Variants in ST8SIA4 observed in about 807,000 individuals in gnomAD.
ST8SIA4 encodes ST8 alpha-N-acetyl-neuraminide alpha-2,8-sialyltransferase 4.
In ST8SIA4, 15 loss-of-function variants were observed where a neutral mutation model predicts 33.9. The observed-to-expected ratio is 0.44, with a 90% CI of 0.30 to 0.68. ST8SIA4 has a LOEUF of 0.68. Ranked by LOEUF, ST8SIA4 falls within the 30% of genes least tolerant of loss-of-function variation. The pLI is 0.10. For synonymous variants in ST8SIA4, 171 were observed against 151.2 expected, an observed-to-expected ratio of 1.13 and a Z score of -0.96; for missense variants, 321 against 428.0, an observed-to-expected ratio of 0.75 and a Z score of 2.21.
At chr5:100,864,940 T>A (rs2059845) in intron 3 of ST8SIA4, among the ~76,000 whole-genome samples, 35,337 of 152,156 alleles carry the variant, frequency 0.23, 5,156 homozygotes, top group Non-Finnish European at 0.32. Context: ...TCTGTTCTTA[T>A]CTTGTCCATA....
intron 4 of ST8SIA4, among the ~76,000 whole-genome samples, chr5:100,830,114 T>G (rs1057367262): frequency 6.6e-6 from 1 of 152,256 alleles, no homozygotes; most frequent in Non-Finnish European, 1.5e-5. Context: ...AATACTTATG[T>G]GGCTCGCTCT....
chr5:100,897,590 T>C (rs1416541781), intron 1 of ST8SIA4, among the ~76,000 whole-genome samples: 1 of 152,200 alleles, frequency 6.6e-6, no homozygotes, highest in African/African-American at 2.4e-5. Context: ...CTAGTATCAA[T>C]GGAAACATTG....
rs533311327 is a variant in ST8SIA4, at chr5:100,843,707, T to C, written c.797+12396A>G. Among the ~76,000 whole-genome samples the C allele has an allele frequency of 1.2e-3, 186 of 151,942 alleles. 4 individuals are homozygous for C. Among genetic ancestry groups the C allele is most frequent in the Admixed American group, 5.3e-4 (8 of 15,200 alleles). On this transcript the variant is annotated intron_variant, in intron 4 of 4. Transcript: ENST00000231461. ...CTATGATGCCTAACCATGATCCATC[T>C]GAATGAAGATGCAATGTATGCGTTA... is the stretch of plus-strand genomic sequence containing the variant.
At chr5:100,875,088 A>G (rs1752277221) in intron 3 of ST8SIA4, among the ~76,000 whole-genome samples, 1 of 152,210 alleles carries the variant, frequency 6.6e-6, no homozygotes, top group African/African-American at 2.4e-5. Flanking sequence ...AGTTAAATTC[A>G]GCTCAGATAT....
At chr5:100,861,806 A>G (rs963662748) in intron 3 of ST8SIA4, among the ~76,000 whole-genome samples, 8 of 152,204 alleles carry the variant, frequency 5.3e-5, no homozygotes, top group African/African-American at 1.9e-4. Flanking sequence ...AGTGACAAAT[A>G]AAAATATTTC....
At chr5:100,837,558 C>G (rs1395323485) in intron 4 of ST8SIA4, among the ~76,000 whole-genome samples, 2 of 151,992 alleles carry the variant, frequency 1.3e-5, no homozygotes, top group African/African-American at 2.4e-5. Context: ...TTCTGATGTG[C>G]TAGAGCTGGC....
intron 3 of ST8SIA4, among the ~76,000 whole-genome samples, chr5:100,859,619 CT>C (rs971446117): frequency 6.6e-6 from 1 of 152,096 alleles, no homozygotes; most frequent in Non-Finnish European, 1.5e-5. Flanking sequence ...TTCTAAGCCT[CT>C]GAATTTTCTT....
chr5:100,810,600 A>G lies in ST8SIA4; in HGVS notation c.*1247T>C, dbSNP rs1750794077. The G allele has an allele frequency of 6.6e-6, 1 of 152,456 alleles. No homozygotes were observed. The highest frequency in any genetic ancestry group is 2.4e-5 in the African/African-American group (1 of 41,460). 9.4% of individuals were successfully genotyped at this position (152,456 alleles called of 1,614,324 possible). ...ATGAAAATAAAGTATGAGTTTGAAAATTAAAAAATATTTAGAGACAACTTT... is the reference window on the plus strand; with the variant it reads ...ATGAAAATAAAGTATGAGTTTGAAAGTTAAAAAATATTTAGAGACAACTTT... On this transcript the variant is annotated 3_prime_UTR_variant, in exon 5 of 5. Transcript: ENST00000231461.
chr5:100,876,286 TC>T (rs545442601), intron 3 of ST8SIA4, among the ~76,000 whole-genome samples: 261 of 152,156 alleles, frequency 1.7e-3, no homozygotes, highest in African/African-American at 6.0e-3. Context: ...TTCCTATCAA[TC>T]TTTGAAGAGA....
chr5:100,890,593 C>T (rs1561408047), intron 2 of ST8SIA4: 2 of 151,792 alleles, frequency 1.3e-5, no homozygotes, highest in East Asian at 1.9e-4. Context: ...TTTCCTAGTA[C>T]GTGGTCAAGT....
intron 3 of ST8SIA4, among the ~76,000 whole-genome samples, chr5:100,874,945 C>T (rs909121720): frequency 1.3e-5 from 2 of 152,076 alleles, no homozygotes; most frequent in African/African-American, 2.4e-5. Flanking sequence ...TTTAGCACAT[C>T]AAACAATCCA....
At chr5:100,884,250 A>T (rs1752488802) in intron 3 of ST8SIA4, among the ~76,000 whole-genome samples, 2 of 152,236 alleles carry the variant, frequency 1.3e-5, no homozygotes, top group Non-Finnish European at 2.9e-5. Flanking sequence ...ATATATGTAC[A>T]ATATCAACTT....
intron 4 of ST8SIA4, among the ~76,000 whole-genome samples, chr5:100,852,949 T>G (rs936346979): frequency 6.6e-6 from 1 of 152,188 alleles, no homozygotes; most frequent in Non-Finnish European, 1.5e-5. Flanking sequence ...TGGAAGAGCC[T>G]TCACATTTTA....
At chr5:100,881,541 T>C (rs898871246) in intron 3 of ST8SIA4, among the ~76,000 whole-genome samples, 3 of 152,170 alleles carry the variant, frequency 2.0e-5, no homozygotes, top group East Asian at 1.9e-4. Flanking sequence ...TAAATATATA[T>C]ATATTATAGA....
chr5:100,836,775 A>T (rs377396580), intron 4 of ST8SIA4, among the ~76,000 whole-genome samples: 119 of 152,094 alleles, frequency 7.8e-4, no homozygotes, highest in African/African-American at 2.8e-3. Context: ...TCCAGATTCA[A>T]TTTTTTACTT....
intron 3 of ST8SIA4, among the ~76,000 whole-genome samples, chr5:100,883,889 C>T (rs760267164): frequency 6.6e-6 from 1 of 152,164 alleles, no homozygotes; most frequent in Non-Finnish European, 1.5e-5. Flanking sequence ...GTCTCAGGTA[C>T]GCCCTTATCA....
At chr5:100,859,047 T>C (rs1410136001) in intron 3 of ST8SIA4, among the ~76,000 whole-genome samples, 1 of 152,074 alleles carries the variant, frequency 6.6e-6, no homozygotes, top group Non-Finnish European at 1.5e-5. Flanking sequence ...AGTCAGATTT[T>C]TAGTCATATA....
At chr5:100,900,496 G>A in intron 1 of ST8SIA4, 1 of 456,146 alleles carries the variant, frequency 2.2e-6, no homozygotes, top group South Asian at 1.5e-5. Context: ...TAATGAGCTC[G>A]GGTCACAAGC....
intron 3 of ST8SIA4, among the ~76,000 whole-genome samples, chr5:100,876,904 C>T (rs1249144133): frequency 2.0e-5 from 3 of 151,278 alleles, no homozygotes; most frequent in African/African-American, 7.3e-5. Context: ...TGATATTGAC[C>T]AGGACTCTCA....
Sources: gnomAD v4.1 joint callset for allele counts (sites outside exome capture counted in the v4.1 genomes callset) on GRCh38, gnomAD v4.1.1 for gene constraint, MANE v1.5 for transcripts, NCBI Gene and HGNC (gene_info 2026-07-23, HGNC 2026-07-21) for gene names.